The following SMOC1 variants were observed in gnomAD, a reference collection of about 807,000 sequenced individuals.
SMOC1 encodes the protein SPARC related modular calcium binding 1.
A neutral mutation model predicts 56.3 loss-of-function variants in SMOC1; 22 were observed. The observed-to-expected ratio is 0.39, with a 90% CI of 0.28 to 0.56. The LOEUF (loss-of-function observed/expected upper bound fraction) is 0.56. Ranked by LOEUF, SMOC1 falls within the 20% of genes least tolerant of loss-of-function variation. The probability of loss-of-function intolerance (pLI) is 0.61; values close to 1 mark genes in which losing one functional copy is unlikely to be tolerated. For missense variants in SMOC1, 509 were observed against 565.4 expected, an observed-to-expected ratio of 0.90 and a Z score of 1.01; for synonymous variants, 193 against 215.0, an observed-to-expected ratio of 0.90 and a Z score of 0.89.
At chr14:69,936,296 A>G (rs1411276302) in intron 1 of SMOC1, among the ~76,000 whole-genome samples, 2 of 152,220 alleles carry the variant, frequency 1.3e-5, no homozygotes, top group Admixed American at 6.5e-5. Flanking sequence ...TCAGAGCTGC[A>G]TCATAGGGAA....
At chr14:70,018,165 C>T (rs781419306) in intron 10 of SMOC1, among the ~76,000 whole-genome samples, 26 of 151,986 alleles carry the variant, frequency 1.7e-4, no homozygotes, top group Non-Finnish European at 3.5e-4. Context: ...GGCATTTTTG[C>T]AGAGTCATCC....
intron 1 of SMOC1, among the ~76,000 whole-genome samples, chr14:69,929,702 G>T (rs1885109372): frequency 6.6e-6 from 1 of 152,160 alleles, no homozygotes; most frequent in Non-Finnish European, 1.5e-5. Context: ...AGAAGGGAGG[G>T]ATATGATCTC....
chr14:69,901,076 A>T (rs907073598), intron 1 of SMOC1, among the ~76,000 whole-genome samples: 1 of 152,272 alleles, frequency 6.6e-6, no homozygotes, highest in African/African-American at 2.4e-5. Context: ...TAAGGGTCAC[A>T]TGCAACTGCT....
chr14:69,879,720 G>A lies in SMOC1; in HGVS notation c.42G>A (p.Leu14=). The part of the protein sequence containing the change: ...ARCARLLTPH[L]LLVLVQLSPA... ...GCGCCCGCCTGCTCACGCCCCACTT[G>A]CTGCTGGTGTTGGTGCAGCTGTCCC... The change falls in exon 1 of 12, where the codon TTG becomes TTA. Residue 14 remains leucine (L), a synonymous_variant. Coordinates refer to ENST00000361956, the MANE Select transcript of SMOC1 (RefSeq NM_001034852.3). 1.3e-6 allele frequency: 2 copies of A among 1,589,960 alleles called. No homozygotes were observed. Among genetic ancestry groups the A allele is most frequent in the South Asian group, 1.1e-5 (1 of 88,872 alleles).
intron 3 of SMOC1, among the ~76,000 whole-genome samples, chr14:69,956,876 A>G (rs541741066): frequency 6.6e-6 from 1 of 152,320 alleles, no homozygotes; most frequent in East Asian, 1.9e-4. Context: ...CCAGACCATT[A>G]AATCAATATC....
intron 3 of SMOC1, among the ~76,000 whole-genome samples, chr14:69,955,591 T>C: frequency 6.6e-6 from 1 of 152,068 alleles, no homozygotes; most frequent in East Asian, 1.9e-4. Context: ...ATAAATAATA[T>C]ATAAATTTTT....
At chr14:69,895,574 G>A (rs148500655) in intron 1 of SMOC1, among the ~76,000 whole-genome samples, 2 of 152,302 alleles carry the variant, frequency 1.3e-5, no homozygotes, top group East Asian at 3.9e-4. Context: ...GGGTCTGAAA[G>A]TGACCAGGGT....
chr14:69,911,112 C>A (rs1884545421), intron 1 of SMOC1, among the ~76,000 whole-genome samples: 1 of 152,132 alleles, frequency 6.6e-6, no homozygotes, highest in Non-Finnish European at 1.5e-5. Flanking sequence ...GCGCAGCATA[C>A]AATATAGCTA....
chr14:69,985,848 T>C (rs1047128187), intron 5 of SMOC1, among the ~76,000 whole-genome samples: 1 of 152,234 alleles, frequency 6.6e-6, no homozygotes, highest in Non-Finnish European at 1.5e-5. Context: ...TAAAAGTACA[T>C]TGTTATAATT....
intron 3 of SMOC1, 51 bp from the exon 4 acceptor site, chr14:69,975,664 A>G: frequency 1.7e-5 from 23 of 1,334,844 alleles, no homozygotes; most frequent in Non-Finnish European, 2.4e-5. Context: ...ATGAGTCTTG[A>G]TATTGTGACC....
At position 69,992,450 on chromosome 14, in the gene SMOC1, C is replaced by G. The variant is rs1381081177; in HGVS notation, c.560C>G (p.Thr187Ser). 1.2e-6 allele frequency: 2 copies of G among 1,613,896 alleles called. No individual in the cohort carries two copies. The highest frequency in any genetic ancestry group is 4.5e-5 in the East Asian group (2 of 44,890). Residue 187 changes from threonine (T) to serine (S), a missense_variant, in exon 6 of 12, where the codon ACC becomes AGC. Thr to Ser is a moderately conservative substitution (Grantham distance 58). Coordinates refer to ENST00000361956, the MANE Select transcript of SMOC1 (RefSeq NM_001034852.3). ...TCTAAGCCGACACCCACGATGGAGA[C>G]CCAGCCGGTGTTCGATGGAGATGGT... Reference protein sequence around the residue: ...DGSKPTPTMETQPVFDGDEIT... With the variant: ...DGSKPTPTMESQPVFDGDEIT...
intron 1 of SMOC1, among the ~76,000 whole-genome samples, chr14:69,922,005 G>A (rs947916557): frequency 2.0e-5 from 3 of 152,156 alleles, no homozygotes; most frequent in African/African-American, 7.2e-5. Flanking sequence ...CTCCCTTTCC[G>A]GGATCCAGCC....
intron 3 of SMOC1, among the ~76,000 whole-genome samples, chr14:69,966,762 A>G (rs148718775): frequency 7.9e-5 from 12 of 152,316 alleles, no homozygotes; most frequent in Non-Finnish European, 1.5e-4. Flanking sequence ...CTGTCTTCCT[A>G]TAACTTCCAA....
intron 7 of SMOC1, among the ~76,000 whole-genome samples, chr14:70,008,661 C>T (rs1885227268): frequency 1.3e-5 from 2 of 152,226 alleles, no homozygotes; most frequent in African/African-American, 2.4e-5. Context: ...CCCCTTCTCT[C>T]TTTGCCTCTT....
chr14:69,948,642 G>A (rs7157289), intron 1 of SMOC1, among the ~76,000 whole-genome samples: 67,572 of 151,956 alleles, frequency 0.44, 16,080 homozygotes, highest in African/African-American at 0.62. Flanking sequence ...AACCTCAGTG[G>A]GTTTGAAAAG....
chr14:70,003,723 C>T (rs887549834), intron 7 of SMOC1, among the ~76,000 whole-genome samples: 8 of 152,118 alleles, frequency 5.3e-5, no homozygotes, highest in African/African-American at 1.7e-4. Flanking sequence ...AAGGGGCCCA[C>T]GAGGGCAGAT....
intron 7 of SMOC1, among the ~76,000 whole-genome samples, chr14:70,006,134 T>C (rs1885139705): frequency 6.6e-6 from 1 of 152,206 alleles, no homozygotes. Context: ...AAGAGGATGA[T>C]AGTGGCCCCA....
intron 1 of SMOC1, among the ~76,000 whole-genome samples, chr14:69,948,356 C>T (rs1156760935): frequency 6.6e-6 from 1 of 152,146 alleles, no homozygotes; most frequent in Admixed American, 6.5e-5. Context: ...GCCTTAGGGA[C>T]CAGTAATTTC....
chr14:69,932,873 G>A (rs1885203401), intron 1 of SMOC1, among the ~76,000 whole-genome samples: 1 of 152,146 alleles, frequency 6.6e-6, no homozygotes, highest in Non-Finnish European at 1.5e-5. Context: ...CCTTCTGTAA[G>A]CCGATGAGAC....
Sources: allele counts gnomAD v4.1 joint callset (sites outside exome capture counted in the v4.1 genomes callset), GRCh38; gene constraint gnomAD v4.1.1; transcripts MANE v1.5; gene names NCBI Gene and HGNC (gene_info 2026-07-23, HGNC 2026-07-21).